Variants in XKR4 observed in about 807,000 individuals in gnomAD.
XKR4 encodes XK related 4, also known as XK-related protein 4.
A neutral mutation model predicts 53.9 loss-of-function variants in XKR4; 12 were observed. The ratio of observed to expected loss-of-function variants is 0.22; its 90% confidence interval spans 0.14 to 0.36. The LOEUF is 0.36. Ranked by LOEUF, XKR4 falls within the 10% of genes least tolerant of loss-of-function variation. The probability of loss-of-function intolerance (pLI) is 1.00; values close to 1 mark genes in which losing one functional copy is unlikely to be tolerated. For synonymous variants in XKR4, 354 were observed against 362.4 expected (o/e 0.98, Z 0.26); for missense variants, 799 against 859.5 (o/e 0.93, Z 0.88).
chr8:55,178,751 T>A (rs1817267321), intron 1 of XKR4, among the ~76,000 whole-genome samples: 1 of 152,052 alleles, frequency 6.6e-6, no homozygotes. Flanking sequence ...AAAACCAGAG[T>A]TGGAAAAACC....
At chr8:55,186,263 T>A (rs1033793191) in intron 1 of XKR4, among the ~76,000 whole-genome samples, 10 of 152,332 alleles carry the variant, frequency 6.6e-5, no homozygotes, top group African/African-American at 2.4e-4. Context: ...CTTCTGATTC[T>A]TGCACATACA....
chr8:55,260,280 T>C (rs1454789030), intron 1 of XKR4, among the ~76,000 whole-genome samples: 1 of 152,246 alleles, frequency 6.6e-6, no homozygotes, highest in Non-Finnish European at 1.5e-5. Flanking sequence ...TATAATTTGC[T>C]TCTAAAATCC....
chr8:55,231,534 A>G (rs988106400), intron 1 of XKR4, among the ~76,000 whole-genome samples: 1 of 152,038 alleles, frequency 6.6e-6, no homozygotes, highest in African/African-American at 2.4e-5. Flanking sequence ...GCTTGTTTTT[A>G]TCCCCAGCCT....
intron 1 of XKR4, among the ~76,000 whole-genome samples, chr8:55,148,201 A>G (rs1008778952): frequency 2.1e-4 from 32 of 152,154 alleles, no homozygotes; most frequent in African/African-American, 7.7e-4. Context: ...AAAAATTACC[A>G]TAGCTCCAGC....
At chr8:55,436,861 C>G (rs374538299) in intron 2 of XKR4, among the ~76,000 whole-genome samples, 1 of 152,140 alleles carries the variant, frequency 6.6e-6, no homozygotes, top group African/African-American at 2.4e-5. Flanking sequence ...ACAGAGGGCC[C>G]GGTAGCTGGT....
intron 1 of XKR4, among the ~76,000 whole-genome samples, chr8:55,256,700 G>A (rs762635273): frequency 1.8e-4 from 27 of 152,154 alleles, no homozygotes; most frequent in Non-Finnish European, 2.8e-4. Flanking sequence ...AAAGGTGGTG[G>A]AGCTGAAACC....
At chr8:55,143,698 A>G (rs73596972) in intron 1 of XKR4, among the ~76,000 whole-genome samples, 1,941 of 152,336 alleles carry the variant, frequency 0.013, 46 homozygotes, top group African/African-American at 0.043. Context: ...TAGTCACAAC[A>G]TGAAGGACAG....
At chr8:55,218,731 CATAT>C (rs1817837825) in intron 1 of XKR4, among the ~76,000 whole-genome samples, 1 of 152,150 alleles carries the variant, frequency 6.6e-6, no homozygotes, top group African/African-American at 2.4e-5. Flanking sequence ...AGCAAGCTAT[CATAT>C]TCTTTGAAGT....
chr8:55,484,734 T>C (rs1191544823), intron 2 of XKR4, among the ~76,000 whole-genome samples: 1 of 152,204 alleles, frequency 6.6e-6, no homozygotes, highest in Non-Finnish European at 1.5e-5. Flanking sequence ...CCAGTGTGGG[T>C]GGGCCTCCTT....
intron 2 of XKR4, among the ~76,000 whole-genome samples, chr8:55,388,689 T>C (rs1408382613): frequency 1.3e-5 from 2 of 152,324 alleles, no homozygotes; most frequent in African/African-American, 4.8e-5. Flanking sequence ...TCCTAGGAAT[T>C]AGGACTTCCA....
chr8:55,473,296 AG>A lies in XKR4; in HGVS notation c.1007-49984del, dbSNP rs113061061. 2.9e-3 allele frequency among the ~76,000 whole-genome samples: 438 copies of A among 152,244 alleles called. 3 individuals carry two copies. Among genetic ancestry groups the A allele is most frequent in the African/African-American group, 1.0e-2 (414 of 41,508 alleles). The stretch of plus-strand genomic sequence containing the variant: ...TAGGAAAGTGTTATTGTTCTTGTTT[AG>A]TGGGTGAAAATTGAGGTTCTGTGAT... On this transcript the variant is annotated intron_variant, in intron 2 of 2. Coordinates refer to ENST00000327381, the MANE Select transcript of XKR4 (RefSeq NM_052898.2).
rs1262041240 is a variant in XKR4, at chr8:55,244,187, A to C, written c.807-113491A>C. ...ATGCAGGTAATAAGCTTAGTAACAG[A>C]TAAGTAGTTTTTCTATCCTCTCCCT... On this transcript the variant is annotated intron_variant, in intron 1 of 2. Coordinates refer to ENST00000327381, the MANE Select transcript of XKR4 (RefSeq NM_052898.2). 2.0e-5 allele frequency among the ~76,000 whole-genome samples: 3 copies of C among 152,162 alleles called. No homozygotes were observed. The East Asian group carries it at 5.8e-4, about 29-fold the overall frequency.
intron 1 of XKR4, among the ~76,000 whole-genome samples, chr8:55,208,686 T>G (rs1020844383): frequency 1.1e-4 from 16 of 151,972 alleles, no homozygotes; most frequent in Middle Eastern, 3.2e-3. Context: ...AGGCTGATCT[T>G]GAACTCCTGA....
intron 2 of XKR4, among the ~76,000 whole-genome samples, chr8:55,500,940 C>G (rs1386556892): frequency 6.6e-6 from 1 of 152,112 alleles, no homozygotes; most frequent in Non-Finnish European, 1.5e-5. Flanking sequence ...TGGCTCTTCA[C>G]CCAAAAGATA....
intron 1 of XKR4, among the ~76,000 whole-genome samples, chr8:55,167,197 G>A (rs1817081786): frequency 6.6e-6 from 1 of 152,196 alleles, no homozygotes; most frequent in African/African-American, 2.4e-5. Context: ...ATGTGAAGGG[G>A]AAGACTCTGG....
chr8:55,482,049 T>G (rs1361233257), intron 2 of XKR4, among the ~76,000 whole-genome samples: 1 of 152,192 alleles, frequency 6.6e-6, no homozygotes, highest in Non-Finnish European at 1.5e-5. Context: ...TTACTGAGTA[T>G]ATACCCAAAG....
intron 2 of XKR4, among the ~76,000 whole-genome samples, chr8:55,424,941 A>T (rs912168066): frequency 3.9e-4 from 59 of 152,296 alleles, no homozygotes; most frequent in African/African-American, 1.3e-3. Flanking sequence ...GCCACGGTTT[A>T]AAAAAATGGC....
chr8:55,448,944 G>T (rs868748834), intron 2 of XKR4, among the ~76,000 whole-genome samples: 1 of 152,042 alleles, frequency 6.6e-6, no homozygotes, highest in African/African-American at 2.4e-5. Context: ...CTGTGATTGA[G>T]GCCTTACATA....
At chr8:55,403,397 G>A (rs1804637421) in intron 2 of XKR4, among the ~76,000 whole-genome samples, 1 of 152,154 alleles carries the variant, frequency 6.6e-6, no homozygotes, top group Non-Finnish European at 1.5e-5. Context: ...TATAAATTAA[G>A]TAAGATAAGT....
Sources: gnomAD v4.1 joint callset for allele counts (sites outside exome capture counted in the v4.1 genomes callset) on GRCh38, gnomAD v4.1.1 for gene constraint, MANE v1.5 for transcripts, NCBI Gene and HGNC (gene_info 2026-07-23, HGNC 2026-07-21) for gene names.